INTS9: variants seen among roughly 807,000 people sequenced by gnomAD.
INTS9 encodes integrator complex subunit 9, also known as protein related to CPSF subunits of 74 kDa.
A neutral mutation model predicts 79.7 loss-of-function variants in INTS9; 55 were observed. The ratio of observed to expected loss-of-function variants is 0.69; its 90% CI spans 0.56 to 0.86. INTS9 has a LOEUF of 0.86. Among genes scored for constraint, INTS9 ranks in the 40% least tolerant of loss-of-function variants. The pLI is 0.00. For synonymous variants in INTS9, 319 were observed against 325.2 expected, an observed-to-expected ratio of 0.98 and a Z score of 0.20; for missense variants, 721 against 831.5, an observed-to-expected ratio of 0.87 and a Z score of 1.64.
At chr8:28,882,458 TA>T (rs1163422904) in intron 1 of INTS9, among the ~76,000 whole-genome samples, 220 of 35,914 alleles carry the variant, frequency 6.1e-3, no homozygotes, top group African/African-American at 0.019. Flanking sequence ...GAATGATCAA[TA>T]AAAAAAAAAA....
chr8:28,858,662 C>A (rs745562045), intron 2 of INTS9, among the ~76,000 whole-genome samples: 2 of 152,120 alleles, frequency 1.3e-5, no homozygotes, highest in Non-Finnish European at 2.9e-5. Flanking sequence ...GATGGTTCAT[C>A]GGGTTATCAC....
intron 6 of INTS9, among the ~76,000 whole-genome samples, chr8:28,826,462 C>A (rs1563278473): frequency 6.6e-6 from 1 of 152,178 alleles, no homozygotes; most frequent in Non-Finnish European, 1.5e-5. Flanking sequence ...GAAAGCCAAG[C>A]CGTCCCACTG....
At chr8:28,866,237 T>C (rs76776015) in intron 1 of INTS9, among the ~76,000 whole-genome samples, 1,724 of 152,334 alleles carry the variant, frequency 0.011, 36 homozygotes, top group African/African-American at 0.04. Context: ...GTAGTCTTAT[T>C]ATGACTACTC....
At chr8:28,792,174 T>C (rs1803953397) in intron 10 of INTS9, among the ~76,000 whole-genome samples, 1 of 152,186 alleles carries the variant, frequency 6.6e-6, no homozygotes, top group Non-Finnish European at 1.5e-5. Context: ...GTCTGGCATA[T>C]GGCATTAATA....
intron 1 of INTS9, among the ~76,000 whole-genome samples, chr8:28,862,675 T>C (rs145139235): frequency 1.3e-5 from 2 of 152,258 alleles, no homozygotes; most frequent in African/African-American, 4.8e-5. Flanking sequence ...ATTGGTAATA[T>C]ATCAGAAGAT....
intron 8 of INTS9, among the ~76,000 whole-genome samples, chr8:28,807,336 C>CT (rs562850868): frequency 6.6e-6 from 1 of 152,136 alleles, no homozygotes; most frequent in Non-Finnish European, 1.5e-5. Flanking sequence ...ATCTCATATA[C>CT]TTTTTTCTGA....
intron 4 of INTS9, among the ~76,000 whole-genome samples, chr8:28,839,023 C>G (rs1031504741): frequency 9.2e-5 from 14 of 152,278 alleles, no homozygotes; most frequent in Non-Finnish European, 1.5e-4. Flanking sequence ...ACCTGTCACT[C>G]ACAGGGCCCT....
chr8:28,828,085 C>A (rs1211275692), intron 6 of INTS9, among the ~76,000 whole-genome samples: 1 of 152,150 alleles, frequency 6.6e-6, no homozygotes, highest in Non-Finnish European at 1.5e-5. Flanking sequence ...CTCTGAGGGC[C>A]TGCCTTAAGG....
At chr8:28,881,742 G>A (rs1809835264) in intron 1 of INTS9, among the ~76,000 whole-genome samples, 1 of 147,006 alleles carries the variant, frequency 6.8e-6, no homozygotes, top group Non-Finnish European at 1.5e-5. Context: ...CGCCCCGTCC[G>A]GGAGGTGAGG....
At chr8:28,831,019 T>C (rs1038363449) in intron 6 of INTS9, among the ~76,000 whole-genome samples, 32 of 152,196 alleles carry the variant, frequency 2.1e-4, no homozygotes, top group African/African-American at 7.0e-4. Flanking sequence ...TGTATGTTCA[T>C]TGCAGCCCTA....
At chr8:28,859,773 T>A in intron 1 of INTS9, 1 of 634,550 alleles carries the variant, frequency 1.6e-6, no homozygotes, top group South Asian at 1.5e-5. Flanking sequence ...CACCCATCTG[T>A]CTTTTCACAG....
chr8:28,845,353 C>T (rs1807445971), intron 4 of INTS9, among the ~76,000 whole-genome samples: 2 of 152,174 alleles, frequency 1.3e-5, no homozygotes, highest in African/African-American at 4.8e-5. Flanking sequence ...TTTTTCCAAT[C>T]ATACAAGACC....
intron 1 of INTS9, among the ~76,000 whole-genome samples, chr8:28,866,855 G>A (rs946484018): frequency 3.3e-5 from 5 of 152,078 alleles, no homozygotes; most frequent in Non-Finnish European, 7.4e-5. Context: ...GGAGCCTGTA[G>A]TCCTGGCTAC....
intron 6 of INTS9, among the ~76,000 whole-genome samples, chr8:28,833,063 A>G (rs1177827093): frequency 6.6e-6 from 1 of 152,260 alleles, no homozygotes; most frequent in African/African-American, 2.4e-5. Context: ...CAAGTGTTAC[A>G]TAAGTAAAAT....
chr8:28,867,532 A>G (rs73239180), intron 1 of INTS9, among the ~76,000 whole-genome samples: 1 of 134,322 alleles, frequency 7.4e-6, no homozygotes, highest in African/African-American at 2.9e-5. Context: ...AGCTGAGATT[A>G]AAAAAAAAAA....
rs773661159 is a variant in INTS9 at position 28,787,871 on chromosome 8, CTGTT to C, written c.1052_1055del (p.Lys351ArgfsTer22). On this transcript the variant is annotated frameshift_variant, in exon 11 of 17. Coordinates refer to ENST00000521022, the MANE Select transcript of INTS9 (RefSeq NM_018250.4). LOFTEE classifies it high-confidence loss of function. ...GTGGTTCTGGAAGATACACCTTACT[CTGTT>C]TGTTGTGACAAAGCCTATTAAAGAG... The C allele has an allele frequency of 8.7e-6, 14 of 1,603,462 alleles. No homozygotes were observed. Among genetic ancestry groups the C allele is most frequent in the Admixed American group, 5.0e-5 (3 of 59,884 alleles).
chr8:28,803,145 C>G (rs1023469919), intron 8 of INTS9, among the ~76,000 whole-genome samples: 3 of 151,772 alleles, frequency 2.0e-5, no homozygotes, highest in East Asian at 3.9e-4. Context: ...AATAATAAAA[C>G]CAAGCCCTAA....
At chr8:28,845,251 G>A (rs1427023362) in intron 4 of INTS9, among the ~76,000 whole-genome samples, 1 of 152,178 alleles carries the variant, frequency 6.6e-6, no homozygotes, top group Non-Finnish European at 1.5e-5. Context: ...AATTTCATGA[G>A]GATTGGGACT....
intron 2 of INTS9, among the ~76,000 whole-genome samples, chr8:28,853,289 T>G (rs1276636023): frequency 6.6e-6 from 1 of 151,914 alleles, no homozygotes; most frequent in African/African-American, 2.4e-5. Flanking sequence ...GGTGTGTGCC[T>G]ATAATCCCAG....
Sources: allele counts gnomAD v4.1 joint callset (sites outside exome capture counted in the v4.1 genomes callset), GRCh38; gene constraint gnomAD v4.1.1; transcripts MANE v1.5; gene names NCBI Gene and HGNC (gene_info 2026-07-23, HGNC 2026-07-21).